Variants in KDM4C observed in about 807,000 individuals in gnomAD.
KDM4C encodes the protein lysine-specific demethylase 4C.
Under a neutral mutation model 129.3 loss-of-function variants are expected in KDM4C, and 81 were observed. That is an observed-to-expected ratio of 0.63 (90% confidence interval 0.52 to 0.75). KDM4C has a LOEUF of 0.75. KDM4C is among the 30% of genes least tolerant of loss of function. The pLI, the probability that KDM4C is intolerant of heterozygous loss-of-function variation, is 0.00. For missense variants in KDM4C, 1,457 were observed against 1,304.0 expected, an observed-to-expected ratio of 1.12 and a Z score of -1.81; for synonymous variants, 573 against 456.1, an observed-to-expected ratio of 1.26 and a Z score of -3.26.
chr9:6,984,600 C>T (rs1300067662), intron 10 of KDM4C, among the ~76,000 whole-genome samples, 196 bp downstream of exon 10: 1 of 151,672 alleles, frequency 6.6e-6, no homozygotes, highest in Non-Finnish European at 1.5e-5. Context: ...CTATGTGTAG[C>T]AGAATTGTGA....
chr9:6,761,558 A>C (rs767001026), intron 1 of KDM4C, among the ~76,000 whole-genome samples: 56 of 151,738 alleles, frequency 3.7e-4, no homozygotes, highest in Non-Finnish European at 6.9e-4. Context: ...GGGCTCAAGC[A>C]GTCCGCTTGC....
At chr9:6,868,785 C>A (rs1842428989) in intron 5 of KDM4C, among the ~76,000 whole-genome samples, 1 of 151,722 alleles carries the variant, frequency 6.6e-6, no homozygotes. Flanking sequence ...AGTCGCTTTA[C>A]TACTGCATGT....
intron 1 of KDM4C, among the ~76,000 whole-genome samples, chr9:6,777,801 A>C (rs1274992212): frequency 3.3e-5 from 5 of 152,200 alleles, no homozygotes; most frequent in African/African-American, 1.2e-4. Context: ...GTAATTGGAA[A>C]CTGAAATGGT....
At chr9:7,062,269 C>G (rs1831804657) in intron 17 of KDM4C, among the ~76,000 whole-genome samples, 1 of 152,104 alleles carries the variant, frequency 6.6e-6, no homozygotes. Context: ...TGCCCGGCCA[C>G]TTTTGGCTTT....
intron 19 of KDM4C, among the ~76,000 whole-genome samples, chr9:7,152,575 G>A (rs952514916): frequency 7.9e-5 from 12 of 152,222 alleles, no homozygotes; most frequent in Admixed American, 2.0e-4. Context: ...TGTTTAATGA[G>A]TGCAGAGTTT....
chr9:6,903,966 G>A (rs1264069013), intron 8 of KDM4C, among the ~76,000 whole-genome samples: 2 of 152,010 alleles, frequency 1.3e-5, no homozygotes, highest in Non-Finnish European at 2.9e-5. Context: ...TTAGCCGGGC[G>A]CGGTGGCTCA....
At chr9:7,144,814 C>G (rs1326146474) in intron 19 of KDM4C, among the ~76,000 whole-genome samples, 1 of 152,206 alleles carries the variant, frequency 6.6e-6, no homozygotes, top group Admixed American at 6.5e-5. Context: ...CCACTTGTAT[C>G]AGAATATTAC....
intron 1 of KDM4C, among the ~76,000 whole-genome samples, chr9:6,759,338 T>C (rs139504602): frequency 1.4e-4 from 21 of 152,300 alleles, no homozygotes; most frequent in African/African-American, 5.1e-4. Flanking sequence ...GTGACTAATA[T>C]TCTCATTTCG....
chr9:6,861,271 A>G (rs906041901), intron 5 of KDM4C, among the ~76,000 whole-genome samples: 1 of 152,176 alleles, frequency 6.6e-6, no homozygotes, highest in Non-Finnish European at 1.5e-5. Flanking sequence ...GAGATATTCA[A>G]CTTCCTGAGA....
intron 1 of KDM4C, among the ~76,000 whole-genome samples, chr9:6,729,666 A>G (rs776638154): frequency 2.2e-5 from 3 of 135,466 alleles, no homozygotes; most frequent in African/African-American, 3.1e-5. Flanking sequence ...ATATACTTTT[A>G]GAGTTTTAAA....
chr9:7,092,256 C>A lies in KDM4C; in HGVS notation c.2425-11429C>A, dbSNP rs888783919. Reference sequence around the variant, plus strand: ...AATCCTCTGAAGTACAGCTGTGGAACCTGAGGCTCAGAGGGACATGGTAAC... The same window carrying A: ...AATCCTCTGAAGTACAGCTGTGGAAACTGAGGCTCAGAGGGACATGGTAAC... On this transcript the variant is annotated intron_variant, in intron 17 of 21. Coordinates refer to ENST00000381309, the MANE Select transcript of KDM4C (RefSeq NM_015061.6). Among the ~76,000 whole-genome samples, 11 of 152,142 alleles carry A rather than the reference C, an allele frequency of 7.2e-5. 1 individual carries two copies. The highest frequency in any genetic ancestry group is 1.2e-4 in the Non-Finnish European group (8 of 68,032).
chr9:6,931,603 C>CA (rs1563834947), intron 8 of KDM4C, among the ~76,000 whole-genome samples: 1 of 152,096 alleles, frequency 6.6e-6, no homozygotes, highest in East Asian at 1.9e-4. Context: ...CAAGCTCAAT[C>CA]AGTCCTTCCA....
chr9:6,759,333 T>C (rs1818924843), intron 1 of KDM4C, among the ~76,000 whole-genome samples: 1 of 152,188 alleles, frequency 6.6e-6, no homozygotes, highest in South Asian at 2.1e-4. Context: ...CAACGGTGAC[T>C]AATATTCTCA....
At chr9:7,029,512 G>A (rs1344092170) in intron 15 of KDM4C, among the ~76,000 whole-genome samples, 3 of 151,682 alleles carry the variant, frequency 2.0e-5, no homozygotes, top group African/African-American at 4.8e-5. Flanking sequence ...TTGCTAATAA[G>A]TAATAGGAGA....
intron 19 of KDM4C, among the ~76,000 whole-genome samples, chr9:7,142,853 CTGTG>C (rs59576344): frequency 2.0e-5 from 3 of 150,128 alleles, no homozygotes; most frequent in Non-Finnish European, 1.5e-5. Context: ...CTCATACAGG[CTGTG>C]TGTGTGTGTG....
intron 1 of KDM4C, among the ~76,000 whole-genome samples, chr9:6,781,761 C>T (rs955576866): frequency 6.6e-6 from 1 of 151,730 alleles, no homozygotes; most frequent in African/African-American, 2.4e-5. Flanking sequence ...TTGCGCTATG[C>T]GTGTCTGTGA....
At chr9:7,063,577 T>A (rs1832012725) in intron 17 of KDM4C, among the ~76,000 whole-genome samples, 1 of 152,236 alleles carries the variant, frequency 6.6e-6, no homozygotes, top group South Asian at 2.1e-4. Flanking sequence ...TAAAGTTACT[T>A]GCTTTCTGGT....
chr9:6,885,289 G>C (rs1052007500), intron 6 of KDM4C, among the ~76,000 whole-genome samples: 17 of 151,892 alleles, frequency 1.1e-4, no homozygotes, highest in East Asian at 7.7e-4. Context: ...CTTGTTTTTT[G>C]CTTTTTTCAC....
intron 5 of KDM4C, among the ~76,000 whole-genome samples, chr9:6,879,661 C>T (rs371426857): frequency 6.6e-6 from 1 of 152,236 alleles, no homozygotes. Flanking sequence ...ACCAAAACAA[C>T]CCTAGAGTGC....
Sources: gnomAD v4.1 joint callset for allele counts (sites outside exome capture counted in the v4.1 genomes callset) on GRCh38, gnomAD v4.1.1 for gene constraint, MANE v1.5 for transcripts, NCBI Gene and HGNC (gene_info 2026-07-23, HGNC 2026-07-21) for gene names.